Variants in PDE9A observed in about 807,000 individuals in gnomAD.
PDE9A encodes the protein high affinity cGMP-specific 3',5'-cyclic phosphodiesterase 9A.
PDE9A carries 60 observed loss-of-function variants against 87.4 expected under a neutral mutation model. That is an observed-to-expected ratio of 0.69 (90% CI 0.56 to 0.85). PDE9A has a LOEUF of 0.85. Among genes scored for constraint, PDE9A ranks in the 40% least tolerant of loss-of-function variants. PDE9A has a pLI of 0.00. For synonymous variants in PDE9A, 272 were observed against 279.4 expected, an observed-to-expected ratio of 0.97 and a Z score of 0.27; for missense variants, 665 against 779.0, an observed-to-expected ratio of 0.85 and a Z score of 1.74.
Position 42,731,827 on chromosome 21 carries a change from G to A in PDE9A, c.320G>A (p.Arg107Lys). ...SRGQSAERPL[R>K]DRRVVGLEQP... ...GGCCAGTCTGCTGAGAGACCACTGA[G>A]GGACAGACGGGTTGTGGGCCTGGAG... Residue 107 changes from arginine to lysine, a missense_variant, in exon 5 of 20, where the codon AGG becomes AAG. Arg to Lys is a conservative substitution (Grantham distance 26). Coordinates refer to ENST00000291539, the MANE Select transcript of PDE9A (RefSeq NM_002606.3). 1 of 1,614,236 alleles carries A rather than the reference G, an allele frequency of 6.2e-7. No homozygotes were observed. The highest frequency in any genetic ancestry group is 8.5e-7 in the Non-Finnish European group (1 of 1,180,040).
rs1276248288 is a variant in PDE9A at position 42,775,466 on chromosome 21, T to C, written c.*173T>C. The C allele has an allele frequency of 1.9e-6, 1 of 525,238 alleles. No homozygotes were observed. Among genetic ancestry groups the C allele is most frequent in the African/African-American group, 2.0e-5 (1 of 50,374 alleles). The allele number at this position is 525,238 out of a possible 1,614,324, so 32.5% of individuals were successfully genotyped here. ...GGAATTCATGATGCTGTACAGAATT[T>C]TATTTTTAAACTGTCTTTTAAATAA... On this transcript the variant is annotated 3_prime_UTR_variant, in exon 20 of 20. Transcript: ENST00000291539.
In PDE9A at chr21:42,691,692, A is replaced by G. The variant is rs191137508; in HGVS notation, c.218+3698A>G. ...CAAAGTCACTCAGCCCATCACCATCACTATCCAAAGTCACCAGCCTCTTCA... is the reference window on the plus strand; with the variant it reads ...CAAAGTCACTCAGCCCATCACCATCGCTATCCAAAGTCACCAGCCTCTTCA... On this transcript the variant is annotated intron_variant, in intron 3 of 19. Coordinates refer to ENST00000291539, the MANE Select transcript of PDE9A (RefSeq NM_002606.3). Among the ~76,000 whole-genome samples, 3 of 150,490 alleles carry G rather than the reference A, an allele frequency of 2.0e-5. No individual in the cohort carries two copies. The East Asian group carries it at 6.0e-4, about 30-fold the overall frequency.
chr21:42,732,703 T>G (rs951171458), intron 6 of PDE9A, among the ~76,000 whole-genome samples: 5 of 152,072 alleles, frequency 3.3e-5, no homozygotes, highest in African/African-American at 1.2e-4. Context: ...TCACCTGAGG[T>G]CGGGAGTTCA....
chr21:42,706,955 G>A (rs757306979), intron 4 of PDE9A, among the ~76,000 whole-genome samples: 10 of 152,160 alleles, frequency 6.6e-5, no homozygotes, highest in Non-Finnish European at 1.5e-4. Flanking sequence ...GCTGGATGAC[G>A]TTCCGTTGCG....
chr21:42,716,380 A>G (rs1299238129), intron 4 of PDE9A, among the ~76,000 whole-genome samples: 1 of 151,670 alleles, frequency 6.6e-6, no homozygotes, highest in African/African-American at 2.4e-5. Flanking sequence ...GCCGCTCCAC[A>G]TCCTCCCCAG....
In PDE9A at chr21:42,669,352, C is replaced by T. The variant is rs76070874; in HGVS notation, c.69+15469C>T. On this transcript the variant is annotated intron_variant, in intron 1 of 19. Transcript: ENST00000291539. ...CACCTTTCTGTTTGTTGTTGACATC[C>T]CCGCCTCCCCTGCCTGCGGGGTCTT... Among the ~76,000 whole-genome samples, 1,390 of 152,248 alleles carry T rather than the reference C, an allele frequency of 9.1e-3. 31 individuals are homozygous for T. The highest frequency in any genetic ancestry group is 0.032 in the African/African-American group (1,333 of 41,528).
intron 10 of PDE9A, chr21:42,758,393 C>G (rs546869656): frequency 6.6e-6 from 1 of 152,392 alleles, no homozygotes; most frequent in South Asian, 2.1e-4. Context: ...GGGGCAGGGG[C>G]CGCATCTGGG....
chr21:42,697,744 A>G (rs1245858392), intron 3 of PDE9A, among the ~76,000 whole-genome samples: 1 of 152,118 alleles, frequency 6.6e-6, no homozygotes, highest in Non-Finnish European at 1.5e-5. Flanking sequence ...AAGGACACCA[A>G]CCCCATCCCA....
At chr21:42,687,668 C>A (rs971490013) in intron 2 of PDE9A, among the ~76,000 whole-genome samples, 6 of 151,724 alleles carry the variant, frequency 4.0e-5, no homozygotes, top group South Asian at 2.1e-4. Context: ...AGACTTGCTC[C>A]AATTCCCATT....
intron 4 of PDE9A, among the ~76,000 whole-genome samples, chr21:42,717,533 G>C (rs1471957679): frequency 2.2e-5 from 3 of 133,848 alleles, no homozygotes; most frequent in African/African-American, 8.9e-5. Context: ...AAGAGAGTGA[G>C]ACTCCATCTC....
chr21:42,686,348 C>G, intron 2 of PDE9A, 86 bp downstream of exon 2: 1 of 1,051,330 alleles, frequency 9.5e-7, no homozygotes, highest in East Asian at 2.4e-5. Flanking sequence ...GGAAGAGGCG[C>G]TGAAGGGCCC....
chr21:42,654,089 G>GT, intron 1 of PDE9A, among the ~76,000 whole-genome samples: 2 of 151,636 alleles, frequency 1.3e-5, no homozygotes, highest in African/African-American at 2.4e-5. Context: ...GGGGTGGGGG[G>GT]GCGGGCTAGT....
At chr21:42,668,368 T>G (rs1569111489) in intron 1 of PDE9A, among the ~76,000 whole-genome samples, 1 of 152,096 alleles carries the variant, frequency 6.6e-6, no homozygotes, top group Non-Finnish European at 1.5e-5. Flanking sequence ...CATGAATTAT[T>G]AAGACAAGAC....
intron 19 of PDE9A, among the ~76,000 whole-genome samples, chr21:42,773,113 T>G (rs1267616984): frequency 6.6e-6 from 1 of 150,430 alleles, no homozygotes; most frequent in Admixed American, 6.6e-5. Flanking sequence ...AATACAAAAA[T>G]TAGCCAGGTG....
At position 42,686,271 on chromosome 21, in the gene PDE9A, G is replaced by A. The variant is rs1872002769; in HGVS notation, c.140+9G>A. The A allele has an allele frequency of 6.2e-7, 1 of 1,610,900 alleles. No individual in the cohort carries two copies. The highest frequency in any genetic ancestry group is 2.2e-5 in the East Asian group (1 of 44,854). ...GCCACCGGCCTGCCTCGGTGAGTGC[G>A]CGCTGCGGGCTCTGCCCGGTGACGC... On this transcript the variant is annotated intron_variant, in intron 2 of 19. Coordinates refer to ENST00000291539, the MANE Select transcript of PDE9A (RefSeq NM_002606.3).
chr21:42,657,968 C>T (rs2057213833), intron 1 of PDE9A, among the ~76,000 whole-genome samples: 1 of 152,226 alleles, frequency 6.6e-6, no homozygotes, highest in African/African-American at 2.4e-5. Flanking sequence ...TGCGCACAGC[C>T]CAAAGGGAGG....
At chr21:42,712,252 G>A (rs2049418013) in intron 4 of PDE9A, among the ~76,000 whole-genome samples, 1 of 152,128 alleles carries the variant, frequency 6.6e-6, no homozygotes. Flanking sequence ...CATGTCTTCG[G>A]TTAACTTTAC....
intron 3 of PDE9A, among the ~76,000 whole-genome samples, chr21:42,691,995 T>C (rs894526967): frequency 2.0e-5 from 3 of 152,226 alleles, no homozygotes; most frequent in Admixed American, 2.0e-4. Context: ...CCTGTCACCA[T>C]CAGCACATCA....
rs2048613101 is a variant in PDE9A at position 42,704,167 on chromosome 21, C to CGGAA, written c.262+5159_262+5162dup. 6.6e-6 allele frequency among the ~76,000 whole-genome samples: 1 copy of CGGAA among 152,218 alleles called. No individual in the cohort carries two copies. The highest frequency in any genetic ancestry group is 2.1e-4 in the South Asian group (1 of 4,834). On this transcript the variant is annotated intron_variant, in intron 4 of 19. Coordinates refer to ENST00000291539, the MANE Select transcript of PDE9A (RefSeq NM_002606.3). The surrounding 1 kb of genome is among the most constrained non-coding windows in gnomAD (Gnocchi z 5.3). ...TCTTCAGAGAGGATGAGCGGCCACA[C>CGGAA]GGAAGGCCAGGCTGGGTGTCCCTCC...
Sources: allele counts gnomAD v4.1 joint callset (sites outside exome capture counted in the v4.1 genomes callset), GRCh38; gene constraint gnomAD v4.1.1; non-coding constraint Gnocchi (gnomAD v3.1); transcripts MANE v1.5; gene names NCBI Gene and HGNC (gene_info 2026-07-23, HGNC 2026-07-21).